Variants in SPATA17 observed in about 807,000 individuals in gnomAD.
The protein encoded by SPATA17 is spermatogenesis associated 17.
Under a neutral mutation model 62.2 loss-of-function variants are expected in SPATA17, and 53 were observed. The observed-to-expected ratio is 0.85, with a 90% confidence interval of 0.68 to 1.07. The LOEUF is 1.07. Ranked by LOEUF, SPATA17 falls within the 50% of genes least tolerant of loss-of-function variation. The pLI is 0.00. For missense variants in SPATA17, 466 were observed against 425.5 expected, an observed-to-expected ratio of 1.10 and a Z score of -0.84; for synonymous variants, 146 against 146.8, an observed-to-expected ratio of 0.99 and a Z score of 0.04.
intron 10 of SPATA17, 117 bp downstream of exon 10, chr1:217,862,973 G>T: frequency 1.9e-6 from 1 of 535,030 alleles, no homozygotes; most frequent in Non-Finnish European, 3.2e-6. Context: ...AATATTTTAT[G>T]TAATAAGACT....
At chr1:217,849,205 A>G (rs187031246) in intron 9 of SPATA17, among the ~76,000 whole-genome samples, 1 of 152,196 alleles carries the variant, frequency 6.6e-6, no homozygotes, top group Admixed American at 6.5e-5. Flanking sequence ...TTTTATTCAT[A>G]TTTTAAAATA....
chr1:217,739,661 A>G (rs900228883), intron 5 of SPATA17: 3 of 152,066 alleles, frequency 2.0e-5, no homozygotes, highest in African/African-American at 7.2e-5. Flanking sequence ...TGAGATCATA[A>G]TTTTTATTGC....
At chr1:217,679,230 A>G (rs1272200106) in intron 4 of SPATA17, among the ~76,000 whole-genome samples, 1 of 152,172 alleles carries the variant, frequency 6.6e-6, no homozygotes, top group African/African-American at 2.4e-5. Context: ...TATATATGTA[A>G]GGTGTTTCAA....
chr1:217,662,932 T>C (rs982486060), intron 3 of SPATA17, among the ~76,000 whole-genome samples: 1 of 152,134 alleles, frequency 6.6e-6, no homozygotes, highest in Non-Finnish European at 1.5e-5. Context: ...CTGAAACATA[T>C]ATATATTTTT....
intron 8 of SPATA17, among the ~76,000 whole-genome samples, chr1:217,783,859 AATAC>A (rs1673791235): frequency 6.6e-6 from 1 of 152,086 alleles, no homozygotes; most frequent in Non-Finnish European, 1.5e-5. Context: ...TTTTCCATGG[AATAC>A]TTGTACATAT....
At position 217,770,978 on chromosome 1, in the gene SPATA17, A is replaced by ATTTTT. The variant is rs374042087; in HGVS notation, c.520-3330_520-3326dup. Among the ~76,000 whole-genome samples, 91 of 50,142 alleles carry ATTTTT rather than the reference A, an allele frequency of 1.8e-3. 9 individuals carry two copies. The highest frequency in any genetic ancestry group is 3.9e-3 in the African/African-American group (45 of 11,562). 32.9% of individuals were successfully genotyped at this position (50,142 alleles called of 152,430 possible). A position where few individuals can be genotyped will look rare whatever the true frequency, so the allele number is the denominator to read the frequency against. On this transcript the variant is annotated intron_variant, in intron 6 of 10. Coordinates refer to ENST00000366933, the MANE Select transcript of SPATA17 (RefSeq NM_138796.4). ...ATGTATCTATTATATAACTCATTGC[A>ATTTTT]TTTTTTTTTTTTTTTTTTTTTTTTT...
intron 9 of SPATA17, among the ~76,000 whole-genome samples, chr1:217,857,890 G>A (rs1359241364): frequency 6.6e-6 from 1 of 152,174 alleles, no homozygotes; most frequent in Non-Finnish European, 1.5e-5. Context: ...CTGTACTATT[G>A]TCTGACACCA....
chr1:217,851,535 C>T (rs867968489), intron 9 of SPATA17, among the ~76,000 whole-genome samples: 4 of 152,078 alleles, frequency 2.6e-5, no homozygotes, highest in Middle Eastern at 3.2e-3. Flanking sequence ...ATTTTTATAG[C>T]TTGACAAAAA....
At chr1:217,757,229 A>G (rs1398149471) in intron 6 of SPATA17, among the ~76,000 whole-genome samples, 2 of 152,218 alleles carry the variant, frequency 1.3e-5, no homozygotes, top group East Asian at 3.8e-4. Flanking sequence ...TGATTTCAGA[A>G]CCAGTGGAGA....
intron 3 of SPATA17, among the ~76,000 whole-genome samples, chr1:217,664,052 G>A (rs1044430530): frequency 6.6e-6 from 1 of 151,814 alleles, no homozygotes; most frequent in East Asian, 1.9e-4. Flanking sequence ...AGGGCTTTAC[G>A]GAGAAGAATT....
At chr1:217,786,820 A>G (rs371879717) in intron 8 of SPATA17, among the ~76,000 whole-genome samples, 1 of 60,500 alleles carries the variant, frequency 1.7e-5, no homozygotes, top group Non-Finnish European at 3.9e-5. Flanking sequence ...CTTCCTCTGT[A>G]TAATCTTTGA....
chr1:217,633,176 C>A (rs187298308), intron 1 of SPATA17, among the ~76,000 whole-genome samples: 1 of 150,190 alleles, frequency 6.7e-6, no homozygotes, highest in East Asian at 2.0e-4. Context: ...CCAGCCTGGG[C>A]GACAGAGCAA....
chr1:217,847,404 T>C (rs187543944), intron 9 of SPATA17, among the ~76,000 whole-genome samples: 18 of 152,272 alleles, frequency 1.2e-4, no homozygotes, highest in African/African-American at 4.3e-4. Flanking sequence ...ATGAAATAGC[T>C]TGTGAGGAAA....
At chr1:217,725,891 T>C (rs180688901) in intron 5 of SPATA17, among the ~76,000 whole-genome samples, 22 of 152,336 alleles carry the variant, frequency 1.4e-4, no homozygotes, top group Non-Finnish European at 2.5e-4. Flanking sequence ...TGTTCATCAG[T>C]AAATTTTTAT....
chr1:217,836,819 G>A (rs1312480424), intron 9 of SPATA17, among the ~76,000 whole-genome samples: 1 of 151,932 alleles, frequency 6.6e-6, no homozygotes, highest in Non-Finnish European at 1.5e-5. Flanking sequence ...TGTTTTTAAT[G>A]GTACAATTTT....
At chr1:217,846,350 A>C (rs920213620) in intron 9 of SPATA17, among the ~76,000 whole-genome samples, 1 of 152,138 alleles carries the variant, frequency 6.6e-6, no homozygotes, top group Non-Finnish European at 1.5e-5. Context: ...TAGCATATTA[A>C]TATGTTCATG....
At chr1:217,707,254 A>G (rs1671757956) in intron 5 of SPATA17, among the ~76,000 whole-genome samples, 1 of 151,962 alleles carries the variant, frequency 6.6e-6, no homozygotes, top group Non-Finnish European at 1.5e-5. Context: ...TAGCAATGCT[A>G]CTGGTTTTTA....
At chr1:217,784,587 A>G (rs188851742) in intron 8 of SPATA17, among the ~76,000 whole-genome samples, 3 of 152,314 alleles carry the variant, frequency 2.0e-5, no homozygotes, top group South Asian at 4.1e-4. Context: ...GATGAAGCAG[A>G]AATGTTACCT....
intron 9 of SPATA17, among the ~76,000 whole-genome samples, chr1:217,831,489 T>A (rs780170544): frequency 6.6e-6 from 1 of 152,138 alleles, no homozygotes; most frequent in Non-Finnish European, 1.5e-5. Context: ...CTCTATCTCC[T>A]TCCTTAGGAA....
Sources: allele counts gnomAD v4.1 joint callset (sites outside exome capture counted in the v4.1 genomes callset), GRCh38; gene constraint gnomAD v4.1.1; transcripts MANE v1.5; gene names NCBI Gene and HGNC (gene_info 2026-07-23, HGNC 2026-07-21).